Variants in CMPK1 observed in about 807,000 individuals in gnomAD.
CMPK1 encodes the protein UMP-CMP kinase.
In CMPK1, 10 loss-of-function variants were observed where a neutral mutation model predicts 25.7. The observed-to-expected ratio is 0.39, with a 90% CI of 0.24 to 0.66. CMPK1 has a LOEUF of 0.66. Ranked by LOEUF, CMPK1 falls within the 30% of genes least tolerant of loss-of-function variation. The probability of loss-of-function intolerance (pLI) is 0.48; values close to 1 mark genes in which losing one functional copy is unlikely to be tolerated. For missense variants in CMPK1, 199 were observed against 280.5 expected (o/e 0.71, Z 2.08); for synonymous variants, 106 against 101.5 (o/e 1.04, Z -0.27).
intron 3 of CMPK1, among the ~76,000 whole-genome samples, chr1:47,373,799 A>C (rs1646691420): frequency 6.6e-6 from 1 of 151,922 alleles, no homozygotes. Flanking sequence ...GTCTCAAAAA[A>C]AAGAAAAAAA....
At position 47,333,877 on chromosome 1, in the gene CMPK1, C is replaced by T; in HGVS notation, c.-69C>T. 1 of 1,110,000 alleles carries T rather than the reference C, an allele frequency of 9.0e-7. No homozygotes were observed. The highest frequency in any genetic ancestry group is 4.8e-5 in the Admixed American group (1 of 20,672). The allele number at this position is 1,110,000 out of a possible 1,614,324, so 68.8% of individuals were successfully genotyped here. On this transcript the variant is annotated 5_prime_UTR_variant, in exon 1 of 6. Coordinates refer to ENST00000371873, the MANE Select transcript of CMPK1 (RefSeq NM_016308.3). The stretch of plus-strand genomic sequence containing the variant: ...CTCAGCCCGCCCCTTTCTCCCGCCG[C>T]CTCCCCGCCCCGCCCCGCGCCGCGC...
chr1:47,370,040 G>C (rs1646667581), intron 2 of CMPK1, among the ~76,000 whole-genome samples: 1 of 150,978 alleles, frequency 6.6e-6, no homozygotes, highest in Admixed American at 6.6e-5. Flanking sequence ...TCAGCCTTCC[G>C]AGTAGCTGGG....
chr1:47,334,355 C>T (rs1646380285), intron 1 of CMPK1, among the ~76,000 whole-genome samples: 1 of 152,156 alleles, frequency 6.6e-6, no homozygotes, highest in African/African-American at 2.4e-5. Context: ...TCCTGCGCCC[C>T]TTCTTTTCTT....
In CMPK1 at chr1:47,375,313, C is replaced by T. The variant is rs765087140; in HGVS notation, c.645+20C>T. Reference sequence around the variant, plus strand: ...GATGAAGTAAGTGTTCCTAGCCTGTCTTTAAAAAAATATGTCAAATAAAAA... The same window carrying T: ...GATGAAGTAAGTGTTCCTAGCCTGTTTTTAAAAAAATATGTCAAATAAAAA... On this transcript the variant is annotated intron_variant, in intron 5 of 5. Coordinates refer to ENST00000371873, the MANE Select transcript of CMPK1 (RefSeq NM_016308.3). 1 of 1,430,176 alleles carries T rather than the reference C, an allele frequency of 7.0e-7. No homozygotes were observed. 88.6% of individuals were successfully genotyped at this position (1,430,176 alleles called of 1,614,324 possible).
intron 1 of CMPK1, among the ~76,000 whole-genome samples, chr1:47,342,870 A>G (rs6668250): frequency 0.97 from 147,632 of 151,608 alleles, 71,970 homozygotes; most frequent in East Asian, 1. Flanking sequence ...GGTTGGTCTC[A>G]AACTCCTGGC....
At chr1:47,354,556 A>T (rs1347107498) in intron 1 of CMPK1, among the ~76,000 whole-genome samples, 1 of 147,704 alleles carries the variant, frequency 6.8e-6, no homozygotes, top group African/African-American at 2.5e-5. Flanking sequence ...TATAATGCAC[A>T]TGTGTATGCA....
At chr1:47,337,737 C>T (rs1001927281) in intron 1 of CMPK1, among the ~76,000 whole-genome samples, 17 of 151,928 alleles carry the variant, frequency 1.1e-4, no homozygotes, top group Non-Finnish European at 2.1e-4. Context: ...CTCAGCCTCC[C>T]GAGTAGCTTG....
rs543090281 is a variant in CMPK1, at chr1:47,376,829, A to C, written c.*84A>C. 42 of 743,822 alleles carry C rather than the reference A, an allele frequency of 5.6e-5. 1 individual carries two copies. The South Asian group carries it at 6.4e-4, about 11-fold the overall frequency. The allele number at this position is 743,822 out of a possible 1,614,324, so 46.1% of individuals were successfully genotyped here. ...CATGACCCCTTTTTAAGGCAATTCT[A>C]ATCTTTCATAACTACATCTCAATTA... On this transcript the variant is annotated 3_prime_UTR_variant, in exon 6 of 6. Coordinates refer to ENST00000371873, the MANE Select transcript of CMPK1 (RefSeq NM_016308.3).
intron 1 of CMPK1, among the ~76,000 whole-genome samples, chr1:47,348,977 T>A (rs1484064190): frequency 6.6e-6 from 1 of 152,152 alleles, no homozygotes; most frequent in Non-Finnish European, 1.5e-5. Context: ...TTGCTATGTA[T>A]CATTTGAAGG....
rs1014010734 is a variant in CMPK1 at position 47,358,587 on chromosome 1, C to T, written c.172-9882C>T. The T allele has an allele frequency of 9.0e-6, 9 of 996,314 alleles. No individual in the cohort carries two copies. In the African/African-American group the frequency reaches 1.6e-4, roughly 17 times the overall value. 61.7% of individuals were successfully genotyped at this position (996,314 alleles called of 1,614,324 possible). A position where few individuals can be genotyped will look rare whatever the true frequency, so the allele number is the denominator to read the frequency against. On this transcript the variant is annotated intron_variant, in intron 1 of 5. Transcript: ENST00000371873. ...TAAGAAAGATTAAACAAATTACCCA[C>T]TGTCACACTGGGTTGTGACAGAGTT...
chr1:47,353,103 A>G (rs966810682), intron 1 of CMPK1, among the ~76,000 whole-genome samples: 4 of 152,212 alleles, frequency 2.6e-5, no homozygotes, highest in African/African-American at 9.6e-5. Context: ...TTGGCACAAT[A>G]AAGTTATGAA....
chr1:47,354,309 G>A (rs1186718573), intron 1 of CMPK1, among the ~76,000 whole-genome samples: 5 of 152,162 alleles, frequency 3.3e-5, no homozygotes, highest in Admixed American at 2.6e-4. Context: ...AGCCTGGGCA[G>A]CAGAGCAAGA....
At chr1:47,364,076 CA>C in intron 1 of CMPK1, among the ~76,000 whole-genome samples, 1 of 152,162 alleles carries the variant, frequency 6.6e-6, no homozygotes, top group South Asian at 2.1e-4. Flanking sequence ...ATAGTACCTG[CA>C]GCATTTTGGG....
chr1:47,357,447 A>G (rs181501939), intron 1 of CMPK1, among the ~76,000 whole-genome samples: 1 of 146,928 alleles, frequency 6.8e-6, no homozygotes, highest in Non-Finnish European at 1.5e-5. Context: ...CAAGGAAACC[A>G]CTCTGTGATA....
intron 1 of CMPK1, among the ~76,000 whole-genome samples, chr1:47,354,142 A>T (rs776281567): frequency 6.6e-6 from 1 of 152,134 alleles, no homozygotes; most frequent in Non-Finnish European, 1.5e-5. Flanking sequence ...TAGACAACAT[A>T]GTGAACCCCA....
chr1:47,334,973 T>G (rs1282190113), intron 1 of CMPK1, among the ~76,000 whole-genome samples: 1 of 152,210 alleles, frequency 6.6e-6, no homozygotes, highest in Non-Finnish European at 1.5e-5. Context: ...TTCAATTCTT[T>G]TAACAATTTT....
intron 1 of CMPK1, among the ~76,000 whole-genome samples, chr1:47,355,243 G>T (rs904427178): frequency 6.6e-5 from 10 of 151,032 alleles, no homozygotes; most frequent in African/African-American, 1.9e-4. Context: ...ACAGGGTTTC[G>T]CTATGTTGGC....
At chr1:47,341,153 G>GA (rs1646438309) in intron 1 of CMPK1, among the ~76,000 whole-genome samples, 1 of 152,112 alleles carries the variant, frequency 6.6e-6, no homozygotes. Context: ...TGCCCATAGG[G>GA]AAAATGTTAC....
chr1:47,368,464 T>G lies in CMPK1; in HGVS notation c.172-5T>G, dbSNP rs1418857771. ...TGATATTTTTCCTATGTGTGCTTCTTTCAGAAATATGGCTACACACACCTT... is the reference window on the plus strand; with the variant it reads ...TGATATTTTTCCTATGTGTGCTTCTGTCAGAAATATGGCTACACACACCTT... On this transcript the variant is annotated splice_region_variant and splice_polypyrimidine_tract_variant and intron_variant, in intron 1 of 5. Coordinates refer to ENST00000371873, the MANE Select transcript of CMPK1 (RefSeq NM_016308.3). 6.3e-7 allele frequency: 1 copy of G among 1,594,122 alleles called. No homozygotes were observed. The highest frequency in any genetic ancestry group is 8.5e-7 in the Non-Finnish European group (1 of 1,171,290).
Sources: allele counts gnomAD v4.1 joint callset (sites outside exome capture counted in the v4.1 genomes callset), GRCh38; gene constraint gnomAD v4.1.1; transcripts MANE v1.5; gene names NCBI Gene and HGNC (gene_info 2026-07-23, HGNC 2026-07-21).